SMTNL2: variants seen among roughly 807,000 people sequenced by gnomAD.
The protein encoded by SMTNL2 is smoothelin like 2, also known as smoothelin-like protein 2.
SMTNL2 carries 43 observed loss-of-function variants against 44.1 expected under a neutral mutation model. That is an observed-to-expected ratio of 0.98 (90% CI 0.76 to 1.26). The LOEUF (loss-of-function observed/expected upper bound fraction) is 1.26. Among genes scored for constraint, SMTNL2 ranks in the 50% most tolerant of loss-of-function variants. SMTNL2 has a pLI of 0.00. For missense variants in SMTNL2, 646 were observed against 670.2 expected, an observed-to-expected ratio of 0.96 and a Z score of 0.40; for synonymous variants, 317 against 287.6, an observed-to-expected ratio of 1.10 and a Z score of -1.03.
chr17:4,596,306 G>A (rs920282395), intron 5 of SMTNL2, among the ~76,000 whole-genome samples: 3 of 152,228 alleles, frequency 2.0e-5, no homozygotes, highest in Non-Finnish European at 2.9e-5. Flanking sequence ...GCCAGTCCCT[G>A]CTCGACTCTA....
At chr17:4,584,217 A>C, upstream of SMTNL2, 10 of 167,842 alleles carry the variant, frequency 6.0e-5, no homozygotes, top group Non-Finnish European at 6.4e-5. Flanking sequence ...CCCCGGAGGA[A>C]CCTGGGCCTT....
At chr17:4,593,211 T>C in intron 3 of SMTNL2, 40 bp downstream of exon 3, 3 of 1,533,976 alleles carry the variant, frequency 2.0e-6, no homozygotes, top group Non-Finnish European at 2.6e-6. Flanking sequence ...AGACCTCCCC[T>C]TGGGATGGGA....
At position 4,595,218 on chromosome 17, in the gene SMTNL2, G is replaced by A. The variant is rs765501808; in HGVS notation, c.880G>A (p.Gly294Arg). ...PPAITQVHRQ[G>R]ERRRELVRSQ... is the part of the protein sequence containing the mutation. ...AGCCATAACTCAGGTCCATCGGCAG[G>A]GGGAGCGTCGCAGGGAGCTGGTGAG... Residue 294 changes from glycine (G) to arginine (R), a missense_variant, in exon 5 of 8, where the codon GGG (glycine) becomes AGG (arginine). Transcript: ENST00000389313. This position sits in a 1 kb window ranked among gnomAD's most constrained non-coding sequence, Gnocchi z 5.1. 1 of 1,613,318 alleles carries A rather than the reference G, an allele frequency of 6.2e-7. No individual in the cohort carries two copies. The highest frequency in any genetic ancestry group is 1.1e-5 in the South Asian group (1 of 91,084).
rs779458351 is a variant in SMTNL2 at position 4,593,183 on chromosome 17, A to AGAGC, written c.730+14_730+17dup. ...TCCCAGTCCTAGCGGTATGAGCTGG[A>AGAGC]GAGCGTGGCCTTGGGGCAGACCTCC... On this transcript the variant is annotated intron_variant, in intron 3 of 7. Transcript: ENST00000389313. The AGAGC allele has an allele frequency of 5.7e-6, 9 of 1,575,422 alleles. No homozygotes were observed. The Admixed American group carries it at 1.4e-4, about 24-fold the overall frequency.
At chr17:4,590,882 G>A (rs1909544827) in intron 1 of SMTNL2, among the ~76,000 whole-genome samples, 1 of 152,202 alleles carries the variant, frequency 6.6e-6, no homozygotes, top group African/African-American at 2.4e-5. Flanking sequence ...AAGTACCCAG[G>A]GCCAGCAGCT....
intron 1 of SMTNL2, 110 bp downstream of exon 1, chr17:4,585,114 T>C (rs1909296577): frequency 8.3e-7 from 1 of 1,200,112 alleles, no homozygotes; most frequent in Non-Finnish European, 1.0e-6. Context: ...GGTTGGGGCC[T>C]TCACCGGCCG....
intron 1 of SMTNL2, among the ~76,000 whole-genome samples, chr17:4,591,024 G>A (rs1248524680): frequency 6.6e-6 from 1 of 152,176 alleles, no homozygotes; most frequent in Admixed American, 6.5e-5. Flanking sequence ...TGCTGGGAGT[G>A]CCCTCCCTTG....
In SMTNL2 at chr17:4,604,749, G is replaced by A. The variant is rs573377851; in HGVS notation, c.1260-2612G>A. Among the ~76,000 whole-genome samples, 3 of 152,182 alleles carry A rather than the reference G, an allele frequency of 2.0e-5. No homozygotes were observed. The South Asian group carries it at 6.2e-4, about 32-fold the overall frequency. On this transcript the variant is annotated intron_variant, in intron 7 of 7. Coordinates refer to ENST00000389313, the MANE Select transcript of SMTNL2 (RefSeq NM_001114974.2). Reference sequence around the variant, plus strand: ...TGCAGTAGCACGATCTCGGCTCACTGCAACCTCCACCTCCTGGGTTCAAGC... The same window carrying A: ...TGCAGTAGCACGATCTCGGCTCACTACAACCTCCACCTCCTGGGTTCAAGC...
chr17:4,595,241 G>A lies in SMTNL2; in HGVS notation c.903G>A (p.Val301=). The part of the protein sequence containing the change: ...HRQGERRREL[V]RSQTLPRTSE... ...AGGGGGAGCGTCGCAGGGAGCTGGT[G>A]AGGTCGCAGACGCTGCCCCGCACCT... The change falls in exon 5 of 8, where the codon GTG becomes GTA. Residue 301 remains valine (V), a synonymous_variant. Transcript: ENST00000389313. The surrounding 1 kb of genome is among the most constrained non-coding windows in gnomAD (Gnocchi z 5.1). The A allele has an allele frequency of 6.2e-7, 1 of 1,613,270 alleles. No individual in the cohort carries two copies.
At chr17:4,596,484 G>C (rs1909820903) in intron 5 of SMTNL2, among the ~76,000 whole-genome samples, 1 of 152,240 alleles carries the variant, frequency 6.6e-6, no homozygotes, top group Admixed American at 6.5e-5. Flanking sequence ...AGGAGGAGTG[G>C]GAGGAAGGAG....
At position 4,607,299 on chromosome 17, in the gene SMTNL2, T is replaced by A. The variant is rs1223980500; in HGVS notation, c.1260-62T>A. The A allele has an allele frequency of 6.3e-7, 1 of 1,598,148 alleles. No homozygotes were observed. Among genetic ancestry groups the A allele is most frequent in the East Asian group, 2.3e-5 (1 of 43,230 alleles). On this transcript the variant is annotated intron_variant, in intron 7 of 7. Transcript: ENST00000389313. The surrounding 1 kb of genome is among the most constrained non-coding windows in gnomAD (Gnocchi z 4.7). ...TCCCGGGACCGAGACACCGGCCCTG[T>A]CGCGGCTGTGGGGCTGGCTGATGGC...
In SMTNL2 at chr17:4,592,530, G is replaced by A; in HGVS notation, c.487+82G>A. On this transcript the variant is annotated intron_variant, in intron 2 of 7. Coordinates refer to ENST00000389313, the MANE Select transcript of SMTNL2 (RefSeq NM_001114974.2). This position sits in a 1 kb window ranked among gnomAD's most constrained non-coding sequence, Gnocchi z 4.5. ...TTGGTCAGGTATCTGTGCCAGGCTG[G>A]CCCTTGGCCTGGCATCGGGGGGACT... The A allele has an allele frequency of 5.9e-6, 8 of 1,363,998 alleles. No homozygotes were observed. Among genetic ancestry groups the A allele is most frequent in the Non-Finnish European group, 7.0e-6 (7 of 993,846 alleles). 84.5% of individuals were successfully genotyped at this position (1,363,998 alleles called of 1,614,324 possible). A position where few individuals can be genotyped will look rare whatever the true frequency, so the allele number is the denominator to read the frequency against.
intron 3 of SMTNL2, among the ~76,000 whole-genome samples, chr17:4,593,593 G>A (rs753395279): frequency 3.4e-4 from 52 of 152,232 alleles, no homozygotes; most frequent in Non-Finnish European, 1.5e-4. Flanking sequence ...GTGCTCTCAA[G>A]AGCAGGGCGG....
chr17:4,601,233 G>C (rs1041071238), intron 7 of SMTNL2, among the ~76,000 whole-genome samples: 4 of 152,322 alleles, frequency 2.6e-5, no homozygotes, highest in African/African-American at 9.6e-5. Flanking sequence ...GGGCAACGTG[G>C]CAAGACCTCA....
In SMTNL2 at chr17:4,584,663, T is replaced by C. The variant is rs1909266607; in HGVS notation, c.58T>C (p.Tyr20His). ...ARTVREALGR[Y>H]EAALEGAVRA... is the part of the protein sequence containing the mutation. ...CACTGTGCGCGAGGCGCTGGGCCGC[T>C]ACGAGGCGGCGCTGGAGGGTGCGGT... is the stretch of plus-strand genomic sequence containing the variant. The change falls in exon 1 of 8, where the codon TAC becomes CAC. Residue 20 changes from tyrosine to histidine, a missense_variant. Physicochemically the swap from Tyr to His is moderately conservative, Grantham distance 83. Coordinates refer to ENST00000389313, the MANE Select transcript of SMTNL2 (RefSeq NM_001114974.2). 7.8e-7 allele frequency: 1 copy of C among 1,275,562 alleles called. No individual in the cohort carries two copies. The highest frequency in any genetic ancestry group is 3.0e-4 in the Middle Eastern group (1 of 3,306). 79.0% of individuals were successfully genotyped at this position (1,275,562 alleles called of 1,614,324 possible).
intron 4 of SMTNL2, among the ~76,000 whole-genome samples, chr17:4,594,491 CA>C (rs1326539591): frequency 2.7e-5 from 4 of 150,364 alleles, no homozygotes; most frequent in Admixed American, 1.3e-4. Context: ...GAATAAAAAA[CA>C]AAAAAATATT....
In SMTNL2 at chr17:4,592,382, A is replaced by G. The variant is rs1048477902; in HGVS notation, c.421A>G (p.Ser141Gly). The G allele has an allele frequency of 6.2e-7, 1 of 1,613,640 alleles. No homozygotes were observed. The change falls in exon 2 of 8, where the codon AGT becomes GGT. Residue 141 changes from serine to glycine, a missense_variant. By Grantham distance (56) the Ser-to-Gly change is moderately conservative. Transcript: ENST00000389313. This position sits in a 1 kb window ranked among gnomAD's most constrained non-coding sequence, Gnocchi z 4.5. ...GTAGAGTTTGGATCACGATGAGGCC[A>G]GTGAGTCGGAGATGAGAAAGACCTC... ...RGQSLDHDEA[S>G]ESEMRKTSNS...
At chr17:4,594,668 G>A (rs1478909708) in intron 4 of SMTNL2, among the ~76,000 whole-genome samples, 1 of 151,502 alleles carries the variant, frequency 6.6e-6, no homozygotes, top group East Asian at 1.9e-4. Context: ...CAGCCAGCCA[G>A]CGGGACTGTG....
intron 7 of SMTNL2, among the ~76,000 whole-genome samples, chr17:4,605,625 G>A (rs1597419354): frequency 1.3e-5 from 2 of 152,254 alleles, no homozygotes; most frequent in Admixed American, 1.3e-4. Context: ...ATATAGCTCG[G>A]AAGAGATGGA....
Sources: gnomAD v4.1 joint callset for allele counts (sites outside exome capture counted in the v4.1 genomes callset) on GRCh38, gnomAD v4.1.1 for gene constraint, Gnocchi (gnomAD v3.1) non-coding constraint, MANE v1.5 for transcripts, NCBI Gene and HGNC (gene_info 2026-07-23, HGNC 2026-07-21) for gene names.